The following REPS2 variants were observed in gnomAD, a reference collection of about 807,000 sequenced individuals.
The protein encoded by REPS2 is RALBP1 associated Eps domain containing 2, also known as ralBP1-associated Eps domain-containing protein 2.
In REPS2, 23 loss-of-function variants were observed where a neutral mutation model predicts 53.6. That is an observed-to-expected ratio of 0.43 (90% CI 0.31 to 0.61). The LOEUF is 0.61. Among genes scored for constraint, REPS2 ranks in the 20% least tolerant of loss-of-function variants. The probability of loss-of-function intolerance (pLI) is 0.11; values close to 1 mark genes in which losing one functional copy is unlikely to be tolerated. For missense variants in REPS2, 446 were observed against 534.9 expected, an observed-to-expected ratio of 0.83 and a Z score of 1.64; for synonymous variants, 238 against 218.6, an observed-to-expected ratio of 1.09 and a Z score of -0.78.
At chrX:17,165,358 T>A in the REPS2 span, among the ~76,000 whole-genome samples, 3 of 112,143 alleles carry the variant, frequency 2.7e-5, no homozygotes, top group East Asian at 5.6e-4. Context: ...GGCTTCTGGC[T>A]GCTTTGCTTG....
intron 1 of REPS2, among the ~76,000 whole-genome samples, chrX:16,977,284 C>CT (rs199621269): frequency 0.035 from 3,903 of 111,106 alleles, 181 homozygotes; most frequent in African/African-American, 0.12. Context: ...CATGTTGAAA[C>CT]TAACTTCTGC....
chrX:17,101,921 A>G (rs1329482767), intron 13 of REPS2, among the ~76,000 whole-genome samples: 1 of 111,569 alleles, frequency 9.0e-6, no homozygotes, highest in Admixed American at 9.5e-5. Context: ...ATGGCTCATC[A>G]TTTCTTGTAT....
At chrX:16,952,980 G>A (rs978184991) in intron 1 of REPS2, among the ~76,000 whole-genome samples, 7 of 110,159 alleles carry the variant, frequency 6.4e-5, no homozygotes, top group Non-Finnish European at 1.3e-4. Flanking sequence ...ACAAAAATTA[G>A]CAGGAGAATT....
intron 1 of REPS2, among the ~76,000 whole-genome samples, chrX:16,999,959 AT>A (rs1381412352): frequency 3.1e-5 from 3 of 96,718 alleles, no homozygotes; most frequent in Admixed American, 1.1e-4. Context: ...AGGCAGGAGA[AT>A]GGCGTGAACC....
At chrX:17,065,443 T>C (rs1214819901) in intron 9 of REPS2, among the ~76,000 whole-genome samples, 1 of 112,575 alleles carries the variant, frequency 8.9e-6, no homozygotes, top group African/African-American at 3.2e-5. Flanking sequence ...TCGTCCTTTG[T>C]CCATTTTAAA....
chrX:17,116,744 A>T (rs968126971), intron 14 of REPS2, among the ~76,000 whole-genome samples: 1 of 111,318 alleles, frequency 9.0e-6, no homozygotes, highest in Non-Finnish European at 1.9e-5. Context: ...CTTTTTTAGG[A>T]TCTATTCTCC....
At position 16,946,867 on chromosome X, in the gene REPS2, GGCGGCAGCGGCGGCGGCGGCGGCGGCA is replaced by G. The variant is rs2060436811; in HGVS notation, c.18_44del (p.Ala9_Ala17del). ...CGCGCCCCCTTGCTGGCCCCATGGA[GGCGGCAGCGGCGGCGGCGGCGGCGGCA>G]GCGGCAGCGGCAGCGGCGGGCGGGG... On this transcript the variant is annotated inframe_deletion, in exon 1 of 18. Coordinates refer to ENST00000357277, the MANE Select transcript of REPS2 (RefSeq NM_004726.3). 2.6e-6 allele frequency: 2 copies of G among 764,359 alleles called. No individual in the cohort carries two copies. The highest frequency in any genetic ancestry group is 2.8e-4 in the East Asian group (2 of 7,054). The allele number at this position is 764,359 out of a possible 1,213,427, so 63.0% of individuals were successfully genotyped here. A position where few individuals can be genotyped will look rare whatever the true frequency, so the allele number is the denominator to read the frequency against.
chrX:16,949,923 G>A, intron 1 of REPS2, among the ~76,000 whole-genome samples: 1 of 111,175 alleles, frequency 9.0e-6, no homozygotes. Context: ...CTCACTCTTG[G>A]TGTTGTACAT....
rs752561415 is a variant in REPS2 at position 17,022,247 on chromosome X, A to G, written c.522A>G (p.Lys174=). 4.1e-6 allele frequency: 5 copies of G among 1,210,309 alleles called. No individual in the cohort carries two copies. Among genetic ancestry groups the G allele is most frequent in the Middle Eastern group, 2.3e-4 (1 of 4,347 alleles). Residue 174 remains lysine (K), a synonymous_variant, in exon 3 of 18, where the codon AAA becomes AAG. Coordinates refer to ENST00000357277, the MANE Select transcript of REPS2 (RefSeq NM_004726.3). ...PYLTTEKNSF[K]RMDDEDKQQE... ...TAACTACAGAAAAAAATTCCTTCAA[A>G]AGAATGGACGATGAGGATAAACAGG...
At chrX:17,156,142 G>A (rs1272722414), downstream of REPS2, among the ~76,000 whole-genome samples, 1 of 111,710 alleles carries the variant, frequency 9.0e-6, no homozygotes, top group Non-Finnish European at 1.9e-5. Flanking sequence ...CTGGAAGTGT[G>A]AACAAAAGTA....
At chrX:17,128,808 AT>A (rs1184399733) in intron 14 of REPS2, among the ~76,000 whole-genome samples, 2 of 112,310 alleles carry the variant, frequency 1.8e-5, no homozygotes, top group Non-Finnish European at 3.8e-5. Context: ...CAGGATTTTC[AT>A]TGCAAAATTA....
chrX:17,164,577 T>C, the REPS2 span, among the ~76,000 whole-genome samples: 2 of 111,134 alleles, frequency 1.8e-5, no homozygotes, highest in Non-Finnish European at 3.8e-5. Context: ...AACAGCAGAG[T>C]CCTAAAATAC....
intron 6 of REPS2, among the ~76,000 whole-genome samples, chrX:17,050,186 C>CTTTCTTTCTTTCTTTCTTTCTTTCTTTCT (rs2061972440): frequency 1.9e-5 from 1 of 51,976 alleles, no homozygotes; most frequent in Non-Finnish European, 3.2e-5. Context: ...TTCTTTCTTT[C>CTTTCTTTCTTTCTTTCTTTCTTTCTTTCT]TTTCTTTCTT....
intron 14 of REPS2, among the ~76,000 whole-genome samples, chrX:17,126,523 T>C (rs2063213127): frequency 8.9e-6 from 1 of 112,194 alleles, no homozygotes; most frequent in Admixed American, 9.4e-5. Context: ...CCAAATAAAT[T>C]TGGGAACTGA....
intron 6 of REPS2, among the ~76,000 whole-genome samples, chrX:17,050,179 T>TTTCC (rs1319385025): frequency 1.8e-5 from 1 of 54,628 alleles, no homozygotes; most frequent in Non-Finnish European, 3.0e-5. Flanking sequence ...TCTTTCTTTC[T>TTTCC]TTCTTTCTTT....
At chrX:17,142,876 A>G (rs902692588) in intron 17 of REPS2, among the ~76,000 whole-genome samples, 2 of 112,337 alleles carry the variant, frequency 1.8e-5, no homozygotes, top group African/African-American at 3.2e-5. Context: ...TCAAAAATCT[A>G]TATATGAACT....
chrX:17,030,674 T>A (rs1297080118), intron 5 of REPS2, among the ~76,000 whole-genome samples: 1 of 112,563 alleles, frequency 8.9e-6, no homozygotes, highest in Non-Finnish European at 1.9e-5. Flanking sequence ...GGCTATTTTT[T>A]ATATTTAATG....
At chrX:17,174,050 G>A in the REPS2 span, among the ~76,000 whole-genome samples, 1 of 109,088 alleles carries the variant, frequency 9.2e-6, no homozygotes, top group African/African-American at 3.4e-5. Context: ...AAAAAAAAAA[G>A]AATTGAGTTA....
rs1406329571 is a variant in REPS2, at chrX:16,946,926, G to T, written c.65G>T (p.Gly22Val). The change falls in exon 1 of 18, where the codon GGC becomes GTC. Residue 22 changes from glycine to valine, a missense_variant. Transcript: ENST00000357277. ...AAAAAAGGGC[G>V]SGPPPLLLSE... ...GCGGCAGCGGCGGGCGGGGGCTGTG[G>T]CTCCGGGCCGCCGCCGCTGCTGCTG... 6 of 822,245 alleles carry T rather than the reference G, an allele frequency of 7.3e-6. No homozygotes were observed. In the African/African-American group the frequency reaches 1.1e-4, roughly 16 times the overall value. The allele number at this position is 822,245 out of a possible 1,213,427, so 67.8% of individuals were successfully genotyped here.
Sources: gnomAD v4.1 joint callset for allele counts (sites outside exome capture counted in the v4.1 genomes callset) on GRCh38, gnomAD v4.1.1 for gene constraint, MANE v1.5 for transcripts, NCBI Gene and HGNC (gene_info 2026-07-23, HGNC 2026-07-21) for gene names.